MCU: variants seen among roughly 807,000 people sequenced by gnomAD.
MCU encodes the protein mitochondrial calcium uniporter.
MCU carries 12 observed loss-of-function variants against 45.2 expected under a neutral mutation model. The observed-to-expected ratio is 0.27, with a 90% CI of 0.17 to 0.43. MCU has a LOEUF of 0.43. MCU is among the 20% of genes least tolerant of loss of function. The pLI is 1.00. For missense variants in MCU, 324 were observed against 436.7 expected (o/e 0.74, Z 2.30); for synonymous variants, 160 against 165.1 (o/e 0.97, Z 0.24).
intron 1 of MCU, among the ~76,000 whole-genome samples, chr10:72,738,657 C>A (rs1169134618): frequency 1.3e-5 from 2 of 152,218 alleles, no homozygotes; most frequent in Non-Finnish European, 2.9e-5. Context: ...ATATTTGGCA[C>A]CCAGTTTATA....
chr10:72,693,175 T>A (rs777986643), intron 1 of MCU: 32 of 159,646 alleles, frequency 2.0e-4, no homozygotes, highest in Non-Finnish European at 2.4e-4. Context: ...CTTGGGTGAG[T>A]GTGTGTGTGT....
chr10:72,824,673 T>C (rs191847354), intron 1 of MCU, among the ~76,000 whole-genome samples: 53 of 152,298 alleles, frequency 3.5e-4, no homozygotes, highest in South Asian at 8.3e-4. Flanking sequence ...GCTTTCTCTT[T>C]TTGTATTTTT....
At chr10:72,819,891 A>T (rs1438167395) in intron 1 of MCU, among the ~76,000 whole-genome samples, 1 of 152,170 alleles carries the variant, frequency 6.6e-6, no homozygotes. Context: ...GTTAAATTAT[A>T]GTCTATTGAA....
At chr10:72,737,367 G>A (rs1423976178) in intron 1 of MCU, among the ~76,000 whole-genome samples, 3 of 152,228 alleles carry the variant, frequency 2.0e-5, no homozygotes, top group Admixed American at 6.5e-5. Flanking sequence ...TGTGTAAAAT[G>A]CCCATTGCTA....
chr10:72,755,558 A>G (rs937601698), intron 1 of MCU, among the ~76,000 whole-genome samples: 1 of 152,350 alleles, frequency 6.6e-6, no homozygotes, highest in Admixed American at 6.5e-5. Context: ...AGTTAAATAC[A>G]TGAAGCATTT....
At position 72,738,945 on chromosome 10, in the gene MCU, A is replaced by C. The variant is rs186734941; in HGVS notation, c.150+46644A>C. On this transcript the variant is annotated intron_variant, in intron 1 of 7. Coordinates refer to ENST00000373053, the MANE Select transcript of MCU (RefSeq NM_138357.3). ...ATGCTCGGTTTTTTTTAAGGCTTCA[A>C]CTCTTTTGTTTTTACTATTATTAGG... is the stretch of plus-strand genomic sequence containing the variant. Among the ~76,000 whole-genome samples, 6 of 150,846 alleles carry C rather than the reference A, an allele frequency of 4.0e-5. No homozygotes were observed. The East Asian group carries it at 1.2e-3, about 30-fold the overall frequency.
chr10:72,773,140 TC>T (rs1843837456), intron 1 of MCU, among the ~76,000 whole-genome samples: 2 of 152,096 alleles, frequency 1.3e-5, no homozygotes, highest in Admixed American at 1.3e-4. Context: ...CAAGTGTTCC[TC>T]CTACCTTAGC....
chr10:72,829,178 C>T (rs543691889), intron 1 of MCU, among the ~76,000 whole-genome samples: 248 of 152,032 alleles, frequency 1.6e-3, no homozygotes, highest in African/African-American at 5.7e-3. Context: ...AAAAATTAGC[C>T]GGGTATGGTT....
chr10:72,815,553 T>C (rs1356623900), intron 1 of MCU, among the ~76,000 whole-genome samples: 2 of 152,200 alleles, frequency 1.3e-5, no homozygotes, highest in Non-Finnish European at 2.9e-5. Context: ...GCTTTCTCTT[T>C]AGCAAGAAAC....
At chr10:72,871,305 A>G in intron 5 of MCU, 72 bp from the exon 6 acceptor site, 1 of 1,352,730 alleles carries the variant, frequency 7.4e-7, no homozygotes, top group Non-Finnish European at 1.1e-6. Context: ...TTCTTTAGTG[A>G]ACATAGAACA....
At position 72,722,903 on chromosome 10, in the gene MCU, A is replaced by G. The variant is rs180863767; in HGVS notation, c.150+30602A>G. On this transcript the variant is annotated intron_variant, in intron 1 of 7. Coordinates refer to ENST00000373053, the MANE Select transcript of MCU (RefSeq NM_138357.3). ...ATTCTATTACTGTTATCTTCAGAAA[A>G]TGTTTATTTTTGGCTGGGTGTGGTG... Among the ~76,000 whole-genome samples, 3 of 152,326 alleles carry G rather than the reference A, an allele frequency of 2.0e-5. No homozygotes were observed. The East Asian group carries it at 5.8e-4, about 29-fold the overall frequency.
intron 1 of MCU, among the ~76,000 whole-genome samples, chr10:72,704,772 T>C (rs1389367099): frequency 7.1e-6 from 1 of 141,068 alleles, no homozygotes; most frequent in East Asian, 2.1e-4. Flanking sequence ...TGGAGTGCAG[T>C]GGCGCGATCT....
intron 1 of MCU, among the ~76,000 whole-genome samples, chr10:72,796,013 A>G (rs1844238916): frequency 6.6e-6 from 1 of 152,112 alleles, no homozygotes; most frequent in African/African-American, 2.4e-5. Context: ...AAAAAAAAAT[A>G]TGCCACTCTG....
intron 1 of MCU, among the ~76,000 whole-genome samples, chr10:72,726,072 A>G (rs1249146425): frequency 1.3e-5 from 2 of 151,134 alleles, no homozygotes; most frequent in Non-Finnish European, 3.0e-5. Flanking sequence ...GTTTTTATTT[A>G]TTTATATATT....
rs1426759090 is a variant in MCU at position 72,714,345 on chromosome 10, C to CTTTTCTT, written c.150+22048_150+22049insCTTTTTT. 1.3e-4 allele frequency among the ~76,000 whole-genome samples: 7 copies of CTTTTCTT among 54,768 alleles called. 1 individual carries two copies. The highest frequency in any genetic ancestry group is 2.4e-4 in the Non-Finnish European group (6 of 25,184). The allele number at this position is 54,768 out of a possible 152,430, so 35.9% of individuals were successfully genotyped here. Reference sequence around the variant, plus strand: ...TTACTTCAGTTCCCCCCGCCCTGGTCTTTTTTTTTTTTTTTTTTTTTTTAA... The same window carrying CTTTTCTT: ...TTACTTCAGTTCCCCCCGCCCTGGTCTTTTCTTTTTTTTTTTTTTTTTTTTTTTTTAA... On this transcript the variant is annotated intron_variant, in intron 1 of 7. Coordinates refer to ENST00000373053, the MANE Select transcript of MCU (RefSeq NM_138357.3).
At chr10:72,707,606 GGTGTGTGTGTGTGTGT>G (rs373225323) in intron 1 of MCU, among the ~76,000 whole-genome samples, 1 of 134,954 alleles carries the variant, frequency 7.4e-6, no homozygotes, top group Non-Finnish European at 1.5e-5. Flanking sequence ...CGTGGTGAGT[GGTGTGTGTGTGTGTGT>G]GTGTGTGTGT....
chr10:72,712,762 T>C (rs551099506), intron 1 of MCU, among the ~76,000 whole-genome samples: 17 of 152,236 alleles, frequency 1.1e-4, no homozygotes, highest in Admixed American at 4.6e-4. Flanking sequence ...TACTTTGAAG[T>C]CATTGTTTTA....
chr10:72,834,026 G>A lies in MCU; in HGVS notation c.151-333G>A, dbSNP rs140149110. 5.9e-3 allele frequency among the ~76,000 whole-genome samples: 905 copies of A among 152,292 alleles called. 11 individuals are homozygous for A. Among genetic ancestry groups the A allele is most frequent in the African/African-American group, 0.021 (853 of 41,564 alleles). ...AGCCAGAAAGTTTACTTGAGGCCTG[G>A]TAGCACCTAGAATCAATATTAAATG... On this transcript the variant is annotated intron_variant, in intron 1 of 7. Coordinates refer to ENST00000373053, the MANE Select transcript of MCU (RefSeq NM_138357.3).
chr10:72,856,030 A>G (rs1462598728), intron 2 of MCU, among the ~76,000 whole-genome samples: 2 of 152,232 alleles, frequency 1.3e-5, no homozygotes, highest in African/African-American at 2.4e-5. Flanking sequence ...TGGTGTGTCT[A>G]TGCATTGACA....
Sources: gnomAD v4.1 joint callset for allele counts (sites outside exome capture counted in the v4.1 genomes callset) on GRCh38, gnomAD v4.1.1 for gene constraint, MANE v1.5 for transcripts, NCBI Gene and HGNC (gene_info 2026-07-23, HGNC 2026-07-21) for gene names.